Variants in PIK3C2G observed in about 807,000 individuals in gnomAD.
PIK3C2G encodes the protein phosphatidylinositol-4-phosphate 3-kinase catalytic subunit type 2 gamma, also known as phosphatidylinositol 3-kinase C2 domain-containing subunit gamma.
PIK3C2G carries 168 observed loss-of-function variants against 181.1 expected under a neutral mutation model. That is an observed-to-expected ratio of 0.93 (90% CI 0.82 to 1.05). The LOEUF (loss-of-function observed/expected upper bound fraction) is 1.05, where lower values mean the gene tolerates loss of function less well. Ranked by LOEUF, PIK3C2G falls within the 50% of genes least tolerant of loss-of-function variation. PIK3C2G has a pLI of 0.00. For missense variants in PIK3C2G, 1,869 were observed against 1,732.8 expected, an observed-to-expected ratio of 1.08 and a Z score of -1.40; for synonymous variants, 573 against 592.2, an observed-to-expected ratio of 0.97 and a Z score of 0.47.
chr12:18,395,104 A>G (rs60631635), intron 15 of PIK3C2G, among the ~76,000 whole-genome samples: 1 of 119,400 alleles, frequency 8.4e-6, no homozygotes, highest in African/African-American at 3.1e-5. Flanking sequence ...TCTTTCTTTC[A>G]TTCTTTCTTT....
intron 31 of PIK3C2G, among the ~76,000 whole-genome samples, chr12:18,629,099 G>A (rs1949231481): frequency 6.6e-6 from 1 of 152,146 alleles, no homozygotes; most frequent in Non-Finnish European, 1.5e-5. Context: ...AGAATGTTTG[G>A]TGTTAACATG....
chr12:18,292,227 A>AAATATATATAT, intron 4 of PIK3C2G, among the ~76,000 whole-genome samples: 23 of 48,722 alleles, frequency 4.7e-4, no homozygotes, highest in East Asian at 6.8e-4. Flanking sequence ...AAAAAAAAAA[A>AAATATATATAT]ATATATATAT....
chr12:18,553,712 T>C (rs1054614680), intron 26 of PIK3C2G, among the ~76,000 whole-genome samples: 26 of 152,232 alleles, frequency 1.7e-4, no homozygotes, highest in Non-Finnish European at 1.9e-4. Flanking sequence ...AAGATGCTGC[T>C]TGTTCTTATC....
chr12:18,496,221 A>ATTTCTTTTTGTG, intron 21 of PIK3C2G, 67 bp downstream of exon 21: 1 of 950,860 alleles, frequency 1.1e-6, no homozygotes, highest in Non-Finnish European at 1.6e-6. Flanking sequence ...TACTCACAAA[A>ATTTCTTTTTGTG]AGAAATTGTT....
chr12:18,256,657 G>T (rs1397858286), upstream of PIK3C2G, among the ~76,000 whole-genome samples: 1 of 152,028 alleles, frequency 6.6e-6, no homozygotes, highest in African/African-American at 2.4e-5. Flanking sequence ...AGTTCACAGA[G>T]GTTACGTGTT....
intron 1 of PIK3C2G, among the ~76,000 whole-genome samples, chr12:18,254,983 C>T (rs2136965908): frequency 6.6e-6 from 1 of 152,076 alleles, no homozygotes; most frequent in Non-Finnish European, 1.5e-5. Context: ...AATCCCAGCA[C>T]TTTGGGAGGC....
chr12:18,385,757 G>A (rs1275544755), intron 14 of PIK3C2G, among the ~76,000 whole-genome samples: 2 of 151,922 alleles, frequency 1.3e-5, no homozygotes, highest in African/African-American at 4.8e-5. Flanking sequence ...TAGTAGATAC[G>A]GTTTCACCAT....
chr12:18,400,615 A>G (rs1944194840), intron 16 of PIK3C2G, among the ~76,000 whole-genome samples: 1 of 152,188 alleles, frequency 6.6e-6, no homozygotes, highest in Admixed American at 6.5e-5. Context: ...AGGGAGTTAC[A>G]TGAAGAACTT....
chr12:18,449,810 A>T (rs531790432), intron 18 of PIK3C2G, among the ~76,000 whole-genome samples: 1 of 151,910 alleles, frequency 6.6e-6, no homozygotes, highest in Non-Finnish European at 1.5e-5. Flanking sequence ...TCCTTTGGGT[A>T]TATACCCACT....
intron 29 of PIK3C2G, among the ~76,000 whole-genome samples, chr12:18,579,841 A>C (rs1946406595): frequency 6.6e-6 from 1 of 152,118 alleles, no homozygotes; most frequent in Non-Finnish European, 1.5e-5. Flanking sequence ...CTTTATAAAG[A>C]ATAATAGAAA....
intron 18 of PIK3C2G, among the ~76,000 whole-genome samples, chr12:18,458,274 C>T (rs954855944): frequency 6.6e-6 from 1 of 152,028 alleles, no homozygotes; most frequent in African/African-American, 2.4e-5. Flanking sequence ...TAGTGTGAAG[C>T]AATAATTTTC....
intron 18 of PIK3C2G, among the ~76,000 whole-genome samples, chr12:18,442,435 T>C (rs1946795321): frequency 6.6e-6 from 1 of 152,150 alleles, no homozygotes; most frequent in African/African-American, 2.4e-5. Flanking sequence ...AATATTGCAA[T>C]AATGGCATGA....
intron 31 of PIK3C2G, among the ~76,000 whole-genome samples, chr12:18,632,382 C>A (rs1406179948): frequency 2.0e-5 from 3 of 152,048 alleles, no homozygotes; most frequent in Non-Finnish European, 4.4e-5. Flanking sequence ...CCTCATTTAG[C>A]AGATGAGGAA....
At chr12:18,502,496 TG>T (rs1345579392) in intron 22 of PIK3C2G, among the ~76,000 whole-genome samples, 1 of 152,232 alleles carries the variant, frequency 6.6e-6, no homozygotes, top group African/African-American at 2.4e-5. Flanking sequence ...TTTATAATAC[TG>T]TACTTTGCGG....
chr12:18,502,435 G>A (rs567789676), intron 22 of PIK3C2G, among the ~76,000 whole-genome samples: 1 of 152,210 alleles, frequency 6.6e-6, no homozygotes, highest in African/African-American at 2.4e-5. Flanking sequence ...TGCAATTGTC[G>A]AGACTATGGA....
At chr12:18,572,369 A>G (rs927098459) in intron 29 of PIK3C2G, among the ~76,000 whole-genome samples, 2 of 148,106 alleles carry the variant, frequency 1.4e-5, no homozygotes, top group African/African-American at 2.4e-5. Context: ...CGATATATAT[A>G]AAGCTATATA....
intron 18 of PIK3C2G, among the ~76,000 whole-genome samples, chr12:18,462,447 T>C (rs1947970523): frequency 6.6e-6 from 1 of 152,214 alleles, no homozygotes; most frequent in African/African-American, 2.4e-5. Flanking sequence ...TCTGACATTA[T>C]GATAAACCAG....
chr12:18,491,114 C>T (rs899173525), intron 19 of PIK3C2G, among the ~76,000 whole-genome samples: 2 of 152,122 alleles, frequency 1.3e-5, no homozygotes, highest in African/African-American at 4.8e-5. Flanking sequence ...TTACATAAAG[C>T]AGGGTTTCCA....
chr12:18,417,002 T>TTTTA (rs1273947284), intron 16 of PIK3C2G, among the ~76,000 whole-genome samples: 2 of 152,160 alleles, frequency 1.3e-5, no homozygotes, highest in African/African-American at 4.8e-5. Context: ...CTAGATATAA[T>TTTTA]TAAGAACATT....
Sources: gnomAD v4.1 joint callset for allele counts (sites outside exome capture counted in the v4.1 genomes callset) on GRCh38, gnomAD v4.1.1 for gene constraint, MANE v1.5 for transcripts, NCBI Gene and HGNC (gene_info 2026-07-23, HGNC 2026-07-21) for gene names.